Variants in FBXL5 observed in about 807,000 individuals in gnomAD.
The protein encoded by FBXL5 is F-box and leucine rich repeat protein 5, also known as F-box/LRR-repeat protein 5.
Under a neutral mutation model 78.3 loss-of-function variants are expected in FBXL5, and 26 were observed. The ratio of observed to expected loss-of-function variants is 0.33; its 90% CI spans 0.24 to 0.46. The LOEUF (loss-of-function observed/expected upper bound fraction) is 0.46. FBXL5 is among the 20% of genes least tolerant of loss of function. FBXL5 has a pLI of 1.00. For missense variants in FBXL5, 710 were observed against 829.2 expected (o/e 0.86, Z 1.77); for synonymous variants, 295 against 282.5 (o/e 1.04, Z -0.45).
intron 9 of FBXL5, among the ~76,000 whole-genome samples, chr4:15,619,773 G>A (rs569753628): frequency 6.6e-5 from 10 of 152,234 alleles, no homozygotes; most frequent in African/African-American, 2.4e-4. Flanking sequence ...CTTTGAGCTC[G>A]GGAGTTTGAG....
chr4:15,636,498 G>C lies in FBXL5; in HGVS notation c.762C>G (p.Ala254=), dbSNP rs759942809. ...TTTAAAAACCCATTTACCTACCTCT[G>C]GCCCAATGAACAGGGTAAAGATGTT... The part of the protein sequence containing the change: ...LWKHLYPVHW[A]RGDWYSGPAT... The change falls in exon 5 of 11, where the codon GCC becomes GCG. Residue 254 remains alanine, a synonymous_variant. Coordinates refer to ENST00000341285, the MANE Select transcript of FBXL5 (RefSeq NM_012161.4). The C allele has an allele frequency of 1.3e-6, 2 of 1,581,504 alleles. No individual in the cohort carries two copies. The highest frequency in any genetic ancestry group is 1.7e-6 in the Non-Finnish European group (2 of 1,161,594).
chr4:15,674,745 G>A (rs1295782750), intron 1 of FBXL5, among the ~76,000 whole-genome samples: 2 of 151,264 alleles, frequency 1.3e-5, no homozygotes, highest in South Asian at 2.1e-4. Flanking sequence ...CGCCTCCCAC[G>A]TTCACACTAT....
At chr4:15,623,005 C>G (rs1712639941) in intron 9 of FBXL5, among the ~76,000 whole-genome samples, 1 of 152,140 alleles carries the variant, frequency 6.6e-6, no homozygotes, top group African/African-American at 2.4e-5. Context: ...TTGATAATAT[C>G]AGAATTTGTT....
At chr4:15,662,082 G>A (rs974793696), upstream of FBXL5, among the ~76,000 whole-genome samples, 10 of 152,190 alleles carry the variant, frequency 6.6e-5, no homozygotes, top group African/African-American at 2.4e-4. Context: ...TCTCAGAAGA[G>A]ACATCCCATC....
intron 3 of FBXL5, among the ~76,000 whole-genome samples, chr4:15,640,558 C>T (rs1714754090): frequency 6.6e-6 from 1 of 151,680 alleles, no homozygotes; most frequent in African/African-American, 2.4e-5. Flanking sequence ...TTAATATTTC[C>T]TGAGTAAATT....
upstream of FBXL5, among the ~76,000 whole-genome samples, chr4:15,656,740 CTAA>C (rs1326147973): frequency 1.3e-5 from 2 of 150,078 alleles, no homozygotes; most frequent in East Asian, 3.8e-4. Flanking sequence ...TGAAATGAAG[CTAA>C]TAATACCTAC....
At chr4:15,615,742 A>G (rs1298013236) in intron 9 of FBXL5, among the ~76,000 whole-genome samples, 1 of 151,690 alleles carries the variant, frequency 6.6e-6, no homozygotes, top group African/African-American at 2.4e-5. Context: ...CTTTGTATCT[A>G]GCTCAGGGAT....
intron 1 of FBXL5, among the ~76,000 whole-genome samples, chr4:15,670,291 G>C (rs778081022): frequency 7.2e-5 from 11 of 152,284 alleles, no homozygotes; most frequent in Non-Finnish European, 1.3e-4. Flanking sequence ...GAGTAGAAAG[G>C]CTAGATCATA....
intron 5 of FBXL5, among the ~76,000 whole-genome samples, chr4:15,634,151 C>T (rs769060031): frequency 3.3e-5 from 5 of 152,054 alleles, no homozygotes; most frequent in Non-Finnish European, 7.4e-5. Context: ...ACTCAAAGCA[C>T]ATACTATAAA....
chr4:15,645,339 A>C (rs1362367181), intron 1 of FBXL5, among the ~76,000 whole-genome samples: 2 of 152,230 alleles, frequency 1.3e-5, no homozygotes, highest in Non-Finnish European at 2.9e-5. Context: ...TTTAAGAGTC[A>C]TAGTGAACCA....
intron 2 of FBXL5, among the ~76,000 whole-genome samples, chr4:15,643,085 A>G (rs1248137707): frequency 2.6e-5 from 4 of 152,202 alleles, no homozygotes; most frequent in Non-Finnish European, 5.9e-5. Flanking sequence ...ACAAAATTCA[A>G]AGAATACGAA....
In FBXL5 at chr4:15,605,805, T is replaced by C. The variant is rs765242310; in HGVS notation, c.2000-6A>G. On this transcript the variant is annotated splice_polypyrimidine_tract_variant and splice_region_variant and intron_variant, in intron 10 of 10. Transcript: ENST00000341285. ...GGCGGTATCAGCATGAGGACCTGTA[T>C]GAAAACAGAAAAATGTGAAAGGAGG... 1.2e-6 allele frequency: 2 copies of C among 1,602,410 alleles called. No individual in the cohort carries two copies. The highest frequency in any genetic ancestry group is 1.7e-6 in the Non-Finnish European group (2 of 1,178,478).
chr4:15,629,189 A>T (rs1577447623), intron 6 of FBXL5, among the ~76,000 whole-genome samples: 2 of 152,258 alleles, frequency 1.3e-5, no homozygotes, highest in East Asian at 3.9e-4. Flanking sequence ...AAAAAGGCTC[A>T]ATCTTTACAG....
upstream of FBXL5, among the ~76,000 whole-genome samples, chr4:15,655,808 C>G (rs1179758436): frequency 1.3e-5 from 2 of 152,210 alleles, no homozygotes; most frequent in Non-Finnish European, 2.9e-5. Flanking sequence ...TGCCCTTCGC[C>G]TCCCTGCGAT....
upstream of FBXL5, among the ~76,000 whole-genome samples, chr4:15,657,842 G>T (rs1332172693): frequency 6.6e-6 from 1 of 152,184 alleles, no homozygotes; most frequent in East Asian, 1.9e-4. Flanking sequence ...ATTTGGGAGG[G>T]TTATTAAGAC....
chr4:15,620,973 G>A lies in FBXL5; in HGVS notation c.1850+4279C>T, dbSNP rs548919372. Among the ~76,000 whole-genome samples the A allele has an allele frequency of 3.2e-4, 49 of 152,270 alleles. 1 individual carries two copies. The South Asian group carries it at 5.4e-3, about 17-fold the overall frequency. ...TAGTATCTATAGAAACAATGCTAAT[G>A]ACTGGCTTGCTGTTAATAAATACTT... On this transcript the variant is annotated intron_variant, in intron 9 of 10. Transcript: ENST00000341285.
intron 10 of FBXL5, 47 bp downstream of exon 10, chr4:15,612,219 T>A (rs771553179): frequency 5.7e-6 from 8 of 1,410,718 alleles, no homozygotes; most frequent in East Asian, 2.7e-5. Flanking sequence ...CTAAAAAAAA[T>A]TTTAAATTAA....
At chr4:15,605,873 A>C (rs1560205282) in intron 10 of FBXL5, 74 bp from the exon 11 acceptor site, 6 of 1,126,468 alleles carry the variant, frequency 5.3e-6, no homozygotes, top group Non-Finnish European at 6.6e-6. Context: ...CTTATGAAGG[A>C]GTTAAACATT....
intron 1 of FBXL5, among the ~76,000 whole-genome samples, chr4:15,674,110 A>C (rs1717872557): frequency 6.6e-6 from 1 of 152,164 alleles, no homozygotes; most frequent in African/African-American, 2.4e-5. Context: ...TGAATCAAAA[A>C]CTGAGTTATG....
Sources: allele counts gnomAD v4.1 joint callset (sites outside exome capture counted in the v4.1 genomes callset), GRCh38; gene constraint gnomAD v4.1.1; transcripts MANE v1.5; gene names NCBI Gene and HGNC (gene_info 2026-07-23, HGNC 2026-07-21).